Variants in SLC4A1AP observed in about 807,000 individuals in gnomAD.
The protein encoded by SLC4A1AP is kanadaptin.
A neutral mutation model predicts 89.7 loss-of-function variants in SLC4A1AP; 64 were observed. The observed-to-expected ratio is 0.71, with a 90% confidence interval of 0.58 to 0.88. The LOEUF is 0.88. Among genes scored for constraint, SLC4A1AP ranks in the 40% least tolerant of loss-of-function variants. The pLI, the probability that SLC4A1AP is intolerant of heterozygous loss-of-function variation, is 0.00. For missense variants in SLC4A1AP, 931 were observed against 965.0 expected (o/e 0.96, Z 0.47); for synonymous variants, 366 against 353.3 (o/e 1.04, Z -0.40).
At position 27,664,827 on chromosome 2, in the gene SLC4A1AP, G is replaced by A. The variant is rs557948273; in HGVS notation, c.825+250G>A. ...TCGCGCCTGTAATCCCAACACTTTGGGAGGCCCAGGCGGGAGGATCGCTTT... is the reference window on the plus strand; with the variant it reads ...TCGCGCCTGTAATCCCAACACTTTGAGAGGCCCAGGCGGGAGGATCGCTTT... On this transcript the variant is annotated intron_variant, in intron 1 of 13. Coordinates refer to ENST00000613058, the Ensembl canonical transcript of SLC4A1AP. Among the ~76,000 whole-genome samples the A allele has an allele frequency of 3.8e-3, 575 of 152,230 alleles. 1 individual carries two copies. Among genetic ancestry groups the A allele is most frequent in the African/African-American group, 0.013 (555 of 41,520 alleles).
At chr2:27,677,859 A>G (rs761932958) in exon 8 of SLC4A1AP, 4 of 1,613,754 alleles carry the variant, frequency 2.5e-6, no homozygotes, top group Non-Finnish European at 3.4e-6. Context: ...AACTGAGGAA[A>G]GAACAACAGA....
chr2:27,664,824 T>C (rs1219594432), intron 1 of SLC4A1AP, among the ~76,000 whole-genome samples: 1 of 152,236 alleles, frequency 6.6e-6, no homozygotes, highest in East Asian at 1.9e-4. Flanking sequence ...TCCCAACACT[T>C]TGGGAGGCCC....
Position 27,664,003 on chromosome 2 carries a change from C to A in SLC4A1AP, c.251C>A (p.Ala84Glu), listed in dbSNP as rs575753798. ...AAGCCAGCTCTGCCGGTGTCCCCAG[C>A]GGCGCGGAGTAAGGCCCCGGCCAGC... Residue 84 changes from alanine to glutamate, a missense_variant, in exon 1 of 14, where the codon GCG becomes GAG. Coordinates refer to ENST00000613058, the Ensembl canonical transcript of SLC4A1AP. The A allele has an allele frequency of 5.0e-6, 8 of 1,614,104 alleles. No individual in the cohort carries two copies. The highest frequency in any genetic ancestry group is 3.3e-5 in the Admixed American group (2 of 60,012).
intron 9 of SLC4A1AP, among the ~76,000 whole-genome samples, chr2:27,684,352 G>A (rs988785360): frequency 1.3e-5 from 2 of 151,216 alleles, no homozygotes; most frequent in Non-Finnish European, 3.0e-5. Context: ...CGCTTGAACC[G>A]GGGAGGCAGA....
At chr2:27,667,137 G>T (rs891858292) in intron 2 of SLC4A1AP, 131 bp from the exon 3 acceptor site, 16 of 927,040 alleles carry the variant, frequency 1.7e-5, no homozygotes, top group Non-Finnish European at 2.4e-5. Context: ...CCAAAGTGCT[G>T]GGATTACAGG....
exon 8 of SLC4A1AP, chr2:27,677,809 G>C: frequency 6.2e-7 from 1 of 1,613,858 alleles, no homozygotes; most frequent in Non-Finnish European, 8.5e-7. Flanking sequence ...CAGTACATTA[G>C]ATGGTGTGTC....
chr2:27,685,046 C>A (rs769418116), exon 10 of SLC4A1AP: 10 of 1,603,470 alleles, frequency 6.2e-6, no homozygotes, highest in Non-Finnish European at 8.5e-6. Context: ...GAAGTTACCC[C>A]CCAAGCGTCC....
chr2:27,667,278 A>G (rs1480552132), exon 3 of SLC4A1AP: 3 of 1,611,178 alleles, frequency 1.9e-6, no homozygotes, highest in African/African-American at 2.7e-5. Flanking sequence ...GAGAAGATGC[A>G]GTAGAGGATG....
intron 13 of SLC4A1AP, among the ~76,000 whole-genome samples, chr2:27,694,187 T>C (rs937921024): frequency 4.6e-5 from 7 of 152,154 alleles, no homozygotes; most frequent in Non-Finnish European, 8.8e-5. Flanking sequence ...TTATGGATAC[T>C]TATATATAAA....
At chr2:27,673,172 T>C (rs1675453460) in intron 5 of SLC4A1AP, among the ~76,000 whole-genome samples, 1 of 152,214 alleles carries the variant, frequency 6.6e-6, no homozygotes, top group Admixed American at 6.5e-5. Context: ...TTGAGGATTC[T>C]GCAGTGTAAT....
exon 5 of SLC4A1AP, chr2:27,669,297 C>T (rs1675382822): frequency 6.2e-7 from 1 of 1,613,170 alleles, no homozygotes. Context: ...TGAGGCCATT[C>T]ACTCAGGAAA....
At chr2:27,670,402 G>C (rs1675402657) in intron 5 of SLC4A1AP, among the ~76,000 whole-genome samples, 2 of 151,614 alleles carry the variant, frequency 1.3e-5, no homozygotes, top group African/African-American at 4.8e-5. Flanking sequence ...TATTAATAAG[G>C]CTTATATTAT....
At chr2:27,679,050 GATTA>G (rs1487106971) in intron 8 of SLC4A1AP, among the ~76,000 whole-genome samples, 1 of 151,952 alleles carries the variant, frequency 6.6e-6, no homozygotes, top group Non-Finnish European at 1.5e-5. Context: ...ATTTGATGAA[GATTA>G]ATTATGATTT....
chr2:27,681,249 A>G (rs1163138996), intron 8 of SLC4A1AP, among the ~76,000 whole-genome samples: 6 of 152,186 alleles, frequency 3.9e-5, no homozygotes, highest in Non-Finnish European at 5.9e-5. Flanking sequence ...GGCAGGCAGC[A>G]TTCTTCTGGT....
chr2:27,677,898 G>A (rs1675550555), exon 8 of SLC4A1AP: 6 of 1,603,512 alleles, frequency 3.7e-6, no homozygotes, highest in Admixed American at 3.5e-5. Context: ...AAATTGTAAA[G>A]CCAGCAGAGA....
At chr2:27,665,526 C>G (rs569126404) in intron 2 of SLC4A1AP, among the ~76,000 whole-genome samples, 18 of 152,224 alleles carry the variant, frequency 1.2e-4, no homozygotes, top group African/African-American at 4.1e-4. Flanking sequence ...TTAATGCACT[C>G]TCTTGTTCAA....
chr2:27,687,908 A>G (rs1263101617), intron 10 of SLC4A1AP, 26 bp from the exon 11 acceptor site: 2 of 1,541,630 alleles, frequency 1.3e-6, no homozygotes, highest in South Asian at 1.1e-5. Flanking sequence ...AATCATGACA[A>G]TATGATTTGA....
At chr2:27,663,906 C>T (rs769687975) in exon 1 of SLC4A1AP, 3 of 1,614,116 alleles carry the variant, frequency 1.9e-6, no homozygotes, top group East Asian at 2.2e-5. Flanking sequence ...GAAGTTGCAC[C>T]GGTTGAGGAT....
At chr2:27,667,306 A>G (rs751838577) in exon 3 of SLC4A1AP, 4 of 1,613,420 alleles carry the variant, frequency 2.5e-6, no homozygotes, top group Non-Finnish European at 2.5e-6. Context: ...AGAGAACCCT[A>G]TTGTCTTAGA....
Sources: allele counts gnomAD v4.1 joint callset (sites outside exome capture counted in the v4.1 genomes callset), GRCh38; gene constraint gnomAD v4.1.1; transcripts MANE v1.5; gene names NCBI Gene and HGNC (gene_info 2026-07-23, HGNC 2026-07-21).